The following PNKD variants were observed in gnomAD, a reference collection of about 807,000 sequenced individuals.
PNKD encodes the protein probable thioesterase PNKD.
Under a neutral mutation model 45.3 loss-of-function variants are expected in PNKD, and 36 were observed. The observed-to-expected ratio is 0.80, with a 90% CI of 0.61 to 1.05. PNKD has a LOEUF of 1.05. PNKD is among the 50% of genes least tolerant of loss of function. The pLI is 0.00. For synonymous variants in PNKD, 197 were observed against 210.1 expected, an observed-to-expected ratio of 0.94 and a Z score of 0.54; for missense variants, 511 against 506.6, an observed-to-expected ratio of 1.01 and a Z score of -0.08.
Position 218,281,433 on chromosome 2 carries a change from G to A in PNKD, c.236+9884G>A, listed in dbSNP as rs141135929. 2.6e-3 allele frequency among the ~76,000 whole-genome samples: 399 copies of A among 152,322 alleles called. 2 individuals carry two copies. Among genetic ancestry groups the A allele is most frequent in the Middle Eastern group, 0.017 (5 of 294 alleles). ...ATTACAGGCGTGAGCCACCGCGGCC[G>A]GCCTCACCTCATTTCTGACCAAACA... On this transcript the variant is annotated intron_variant, in intron 2 of 9. Transcript: ENST00000273077.
chr2:218,315,057 T>TCTTTCTTTCTTTTTCTTTCTTC (rs61429059), intron 2 of PNKD, among the ~76,000 whole-genome samples: 2 of 55,642 alleles, frequency 3.6e-5, no homozygotes, highest in African/African-American at 1.2e-4. Flanking sequence ...TTTCTTTCTT[T>TCTTTCTTTCTTTTTCTTTCTTC]CTTCCTTCCT....
intron 2 of PNKD, among the ~76,000 whole-genome samples, chr2:218,334,319 G>A (rs1024807829): frequency 7.2e-5 from 11 of 151,836 alleles, no homozygotes; most frequent in African/African-American, 2.7e-4. Flanking sequence ...TTTCCCTGCT[G>A]TTGCCCTTTC....
intron 2 of PNKD, among the ~76,000 whole-genome samples, chr2:218,289,693 A>G (rs1167904335): frequency 6.6e-6 from 1 of 152,032 alleles, no homozygotes; most frequent in Non-Finnish European, 1.5e-5. Flanking sequence ...CTGAATGAAC[A>G]GCCTAACAGG....
At chr2:218,281,140 G>GTTTTTTTTTTTTT (rs368774492) in intron 2 of PNKD, 3 of 113,718 alleles carry the variant, frequency 2.6e-5, no homozygotes, top group East Asian at 2.4e-4. Context: ...TTTTTTTTTT[G>GTTTTTTTTTTTTT]GTTTTTTTTT....
At chr2:218,309,607 T>C (rs1314838456) in intron 2 of PNKD, among the ~76,000 whole-genome samples, 2 of 151,840 alleles carry the variant, frequency 1.3e-5, no homozygotes, top group Non-Finnish European at 2.9e-5. Flanking sequence ...CCCAAAGTAC[T>C]AGTTTGGATG....
chr2:218,293,736 C>T (rs1474365686), intron 2 of PNKD, among the ~76,000 whole-genome samples: 1 of 149,782 alleles, frequency 6.7e-6, no homozygotes, highest in African/African-American at 2.5e-5. Context: ...GTGTGTGCCA[C>T]TACACCCAGC....
intron 2 of PNKD, chr2:218,275,245 G>A: frequency 2.2e-6 from 1 of 458,482 alleles, no homozygotes; most frequent in Non-Finnish European, 3.8e-6. Context: ...CTTCAGCCTA[G>A]TCCCTGCCAA....
intron 2 of PNKD, among the ~76,000 whole-genome samples, chr2:218,315,822 A>T (rs1279155583): frequency 6.6e-6 from 1 of 152,252 alleles, no homozygotes; most frequent in African/African-American, 2.4e-5. Flanking sequence ...CATCATTAAT[A>T]TTCTGTTTCC....
At chr2:218,276,547 G>A in intron 2 of PNKD, among the ~76,000 whole-genome samples, 1 of 152,174 alleles carries the variant, frequency 6.6e-6, no homozygotes, top group Non-Finnish European at 1.5e-5. Flanking sequence ...GACAGAGCTG[G>A]CCCATGGGCA....
chr2:218,343,242 C>A (rs570348838), intron 7 of PNKD, among the ~76,000 whole-genome samples: 1 of 152,338 alleles, frequency 6.6e-6, no homozygotes, highest in Admixed American at 6.5e-5. Flanking sequence ...GGGCCTGCAG[C>A]CCGAAGATTC....
intron 2 of PNKD, among the ~76,000 whole-genome samples, chr2:218,291,355 C>G (rs1426681495): frequency 6.6e-6 from 1 of 152,164 alleles, no homozygotes; most frequent in Admixed American, 6.5e-5. Context: ...CCCCTTTGCG[C>G]CAATAAAGCA....
intron 1 of PNKD, 177 bp from the exon 2 acceptor site, chr2:218,271,204 C>A (rs1690816959): frequency 1.5e-6 from 1 of 681,354 alleles, no homozygotes; most frequent in Non-Finnish European, 2.7e-6. Context: ...AAAGGTGCCA[C>A]CTCGGTGGCG....
chr2:218,323,299 A>G, intron 2 of PNKD: 1 of 1,548,226 alleles, frequency 6.5e-7, no homozygotes. Context: ...GCGGCGTGGC[A>G]GTGGGTCGCC....
intron 2 of PNKD, chr2:218,280,277 A>G: frequency 1.6e-6 from 1 of 636,432 alleles, no homozygotes; most frequent in Non-Finnish European, 2.8e-6. Flanking sequence ...GGTCTTCTAG[A>G]CACCCTCAGA....
chr2:218,300,448 T>A (rs537163023), intron 2 of PNKD, among the ~76,000 whole-genome samples: 1 of 152,314 alleles, frequency 6.6e-6, no homozygotes, highest in South Asian at 2.1e-4. Context: ...GGTGACTGCT[T>A]CTCAAACTTT....
chr2:218,299,546 G>A (rs1034837709), intron 2 of PNKD, among the ~76,000 whole-genome samples: 6 of 152,238 alleles, frequency 3.9e-5, no homozygotes, highest in African/African-American at 1.4e-4. Flanking sequence ...CTGGGCTCAA[G>A]CCATCCTCCC....
intron 2 of PNKD, chr2:218,272,464 G>A: frequency 1.0e-6 from 1 of 988,664 alleles, no homozygotes; most frequent in East Asian, 2.4e-5. Context: ...ACTATAAGAG[G>A]TATTGCAGCA....
At position 218,340,202 on chromosome 2, in the gene PNKD, C is replaced by T. The variant is rs186667158; in HGVS notation, c.465+61C>T. ...TCACCTTGGGGACTGGCAGTTTCGC[C>T]TTGCTAGAGAGGGCTGACCCTTGTC... is the stretch of plus-strand genomic sequence containing the variant. On this transcript the variant is annotated intron_variant, in intron 4 of 9. Coordinates refer to ENST00000273077, the MANE Select transcript of PNKD (RefSeq NM_015488.5). This position sits in a 1 kb window ranked among gnomAD's most constrained non-coding sequence, Gnocchi z 4.2. 1,012 of 1,051,812 alleles carry T rather than the reference C, an allele frequency of 9.6e-4. 27 individuals are homozygous for T. In the East Asian group the frequency reaches 0.023, roughly 24 times the overall value. 65.2% of individuals were successfully genotyped at this position (1,051,812 alleles called of 1,614,324 possible).
chr2:218,316,268 C>CTTTTTTTTTTTTT (rs397972881), intron 2 of PNKD, among the ~76,000 whole-genome samples: 4 of 119,586 alleles, frequency 3.3e-5, no homozygotes, highest in Admixed American at 9.3e-5. Context: ...TTCTTTCTTT[C>CTTTTTTTTTTTTT]TTTTTTTTTT....
Sources: allele counts gnomAD v4.1 joint callset (sites outside exome capture counted in the v4.1 genomes callset), GRCh38; gene constraint gnomAD v4.1.1; non-coding constraint Gnocchi (gnomAD v3.1); transcripts MANE v1.5; gene names NCBI Gene and HGNC (gene_info 2026-07-23, HGNC 2026-07-21).